RWDD2B: variants seen among roughly 807,000 people sequenced by gnomAD.
RWDD2B encodes the protein RWD domain containing 2B.
A neutral mutation model predicts 33.6 loss-of-function variants in RWDD2B; 36 were observed. That is an observed-to-expected ratio of 1.07 (90% CI 0.82 to 1.42). The LOEUF (loss-of-function observed/expected upper bound fraction) is 1.42. Among genes scored for constraint, RWDD2B ranks in the 40% most tolerant of loss-of-function variants. The pLI, the probability that RWDD2B is intolerant of heterozygous loss-of-function variation, is 0.00. For synonymous variants in RWDD2B, 126 were observed against 133.1 expected (o/e 0.95, Z 0.37); for missense variants, 364 against 377.5 (o/e 0.96, Z 0.30).
intron 1 of RWDD2B, among the ~76,000 whole-genome samples, chr21:29,017,754 G>T (rs1271895099): frequency 6.6e-6 from 1 of 152,232 alleles, no homozygotes; most frequent in African/African-American, 2.4e-5. Flanking sequence ...CTCCTAAGGT[G>T]ACTGTAGGGA....
intron 1 of RWDD2B, 88 bp downstream of exon 1, chr21:29,019,123 G>A (rs2084903361): frequency 1.8e-6 from 2 of 1,119,050 alleles, no homozygotes; most frequent in Non-Finnish European, 2.6e-6. Context: ...CGCCATGCCG[G>A]GCACGTTCCC....
chr21:29,007,806 AC>A lies in RWDD2B; in HGVS notation c.679del (p.Val227PhefsTer20). 6.2e-7 allele frequency: 1 copy of A among 1,614,198 alleles called. No homozygotes were observed. The highest frequency in any genetic ancestry group is 8.5e-7 in the Non-Finnish European group (1 of 1,180,018). On this transcript the variant is annotated frameshift_variant, in exon 4 of 5. Transcript: ENST00000493196. LOFTEE classifies it high-confidence loss of function. ...GGCACTTTGTGGGCCTTCCACACAAACAACACCAGGTTTTCCAGGCATGCTA... is the reference window on the plus strand; with the variant it reads ...GGCACTTTGTGGGCCTTCCACACAAAAACACCAGGTTTTCCAGGCATGCTA... ...GFSMPGKPGV[V>X]CVEGPQSACE...
At chr21:29,007,111 G>C (rs1353297149) in intron 4 of RWDD2B, among the ~76,000 whole-genome samples, 1 of 152,200 alleles carries the variant, frequency 6.6e-6, no homozygotes, top group Non-Finnish European at 1.5e-5. Flanking sequence ...AATGAGACTA[G>C]TGGCAATTCT....
At position 29,007,857 on chromosome 21, in the gene RWDD2B, G is replaced by A. The variant is rs1456285968; in HGVS notation, c.629C>T (p.Ala210Val). 6.2e-7 allele frequency: 1 copy of A among 1,614,184 alleles called. No homozygotes were observed. Among genetic ancestry groups the A allele is most frequent in the Non-Finnish European group, 8.5e-7 (1 of 1,180,032 alleles). Residue 210 changes from alanine (A) to valine (V), a missense_variant, in exon 4 of 5, where the codon GCA (alanine) becomes GTA (valine). Transcript: ENST00000493196. ...AAACCCAGACAGGGAAAGCTCCTTT[G>A]CCCACTCTAGAATATTCTTTCTTTT... is the stretch of plus-strand genomic sequence containing the variant. ...KCKRKNILEW[A>V]KELSLSGFSM...
intron 1 of RWDD2B, among the ~76,000 whole-genome samples, chr21:29,011,947 G>C (rs1276745751): frequency 8.1e-6 from 1 of 123,536 alleles, no homozygotes; most frequent in Non-Finnish European, 1.7e-5. Flanking sequence ...AGGTGGGGGG[G>C]TCAGCCCCCG....
rs1225121620 is a variant in RWDD2B, at chr21:29,008,585, T to G, written c.104A>C (p.Gln35Pro). The change falls in exon 2 of 5, where the codon CAG (glutamine) becomes CCG (proline). Residue 35 changes from glutamine to proline, a missense_variant. Transcript: ENST00000493196. Reference sequence around the variant, plus strand: ...TAACTCAGCAAGCTGGGCCTCCGCCTGCTCCATCTCAATCATTTTTGGACA... The same window carrying G: ...TAACTCAGCAAGCTGGGCCTCCGCCGGCTCCATCTCAATCATTTTTGGACA... ...YTCPKMIEME[Q>P]AEAQLAELDL... 6 of 1,613,852 alleles carry G rather than the reference T, an allele frequency of 3.7e-6. No homozygotes were observed. Among genetic ancestry groups the G allele is most frequent in the Non-Finnish European group, 5.1e-6 (6 of 1,179,996 alleles).
intron 1 of RWDD2B, among the ~76,000 whole-genome samples, chr21:29,011,637 T>C (rs1241703409): frequency 1.0e-5 from 1 of 96,168 alleles, no homozygotes; most frequent in African/African-American, 4.3e-5. Context: ...GGGAGGGAGG[T>C]GGGGGGGTCA....
At chr21:29,018,808 TAGTA>T (rs1237731385) in intron 1 of RWDD2B, among the ~76,000 whole-genome samples, 3 of 152,132 alleles carry the variant, frequency 2.0e-5, no homozygotes, top group African/African-American at 7.2e-5. Flanking sequence ...CTGGGTAACA[TAGTA>T]AGAGCTCGCC....
At chr21:29,014,620 GA>G (rs1457478201) in intron 1 of RWDD2B, among the ~76,000 whole-genome samples, 1 of 152,128 alleles carries the variant, frequency 6.6e-6, no homozygotes, top group East Asian at 1.9e-4. Flanking sequence ...AGGAGATCAA[GA>G]CCATCCTGGC....
chr21:29,013,809 T>C (rs2084876734), intron 1 of RWDD2B, among the ~76,000 whole-genome samples: 1 of 152,100 alleles, frequency 6.6e-6, no homozygotes, highest in Non-Finnish European at 1.5e-5. Context: ...TTATATGCCA[T>C]ACCATACTAC....
At chr21:29,017,609 C>CAA (rs946263471) in intron 1 of RWDD2B, among the ~76,000 whole-genome samples, 1 of 146,818 alleles carries the variant, frequency 6.8e-6, no homozygotes, top group Admixed American at 6.8e-5. Flanking sequence ...AAGACTGTCT[C>CAA]AAAAAAAAAC....
At chr21:29,014,417 G>A (rs2084879676) in intron 1 of RWDD2B, among the ~76,000 whole-genome samples, 1 of 152,168 alleles carries the variant, frequency 6.6e-6, no homozygotes, top group Admixed American at 6.5e-5. Context: ...AATCACCTCT[G>A]AAAGGTCCCA....
In RWDD2B at chr21:29,008,103, G is replaced by A; in HGVS notation, c.383C>T (p.Ser128Phe). The A allele has an allele frequency of 1.2e-6, 2 of 1,613,644 alleles. No homozygotes were observed. Among genetic ancestry groups the A allele is most frequent in the Non-Finnish European group, 8.5e-7 (1 of 1,179,592 alleles). ...ATCTGTGTTCAGCTGAGTCTGCTGG[G>A]ATCTACTCAATAATACTGATCTAAT... ...ITVRSVLLSR[S>F]QQTQLNTDLT... The change falls in exon 4 of 5, where the codon TCC becomes TTC. Residue 128 changes from serine to phenylalanine, a missense_variant. Ser to Phe is a radical substitution (Grantham distance 155, BLOSUM62 -2). Coordinates refer to ENST00000493196, the MANE Select transcript of RWDD2B (RefSeq NM_016940.3).
chr21:29,010,800 T>G (rs2084853854), intron 1 of RWDD2B, among the ~76,000 whole-genome samples: 1 of 150,944 alleles, frequency 6.6e-6, no homozygotes, highest in South Asian at 2.1e-4. Flanking sequence ...GCCGAGTGCC[T>G]GCGATTGCAG....
At chr21:29,018,300 C>T (rs1398787593) in intron 1 of RWDD2B, among the ~76,000 whole-genome samples, 1 of 152,172 alleles carries the variant, frequency 6.6e-6, no homozygotes, top group Non-Finnish European at 1.5e-5. Context: ...TCATGGGGAG[C>T]TGAAGCTTGG....
At chr21:29,018,552 G>A (rs1209676911) in intron 1 of RWDD2B, among the ~76,000 whole-genome samples, 1 of 152,204 alleles carries the variant, frequency 6.6e-6, no homozygotes, top group African/African-American at 2.4e-5. Flanking sequence ...AGAAGAACGG[G>A]ACGGAGGGAC....
rs1214089537 is a variant in RWDD2B, at chr21:29,005,477, C to T, written c.*940G>A. 1.3e-5 allele frequency: 2 copies of T among 152,232 alleles called. No individual in the cohort carries two copies. The highest frequency in any genetic ancestry group is 4.8e-5 in the African/African-American group (2 of 41,442). 9.4% of individuals were successfully genotyped at this position (152,232 alleles called of 1,614,324 possible). On this transcript the variant is annotated 3_prime_UTR_variant, in exon 5 of 5. Coordinates refer to ENST00000493196, the MANE Select transcript of RWDD2B (RefSeq NM_016940.3). ...ATTGGCCAGGCACGGTGGCTTATGC[C>T]TGTAATCCAAGCACATTGGGAAGCC... is the stretch of plus-strand genomic sequence containing the variant.
At chr21:29,011,412 T>C (rs994514973) in intron 1 of RWDD2B, among the ~76,000 whole-genome samples, 3 of 146,958 alleles carry the variant, frequency 2.0e-5, no homozygotes, top group Non-Finnish European at 4.5e-5. Context: ...GTCTGAGAAG[T>C]GAGGAGCCCC....
intron 1 of RWDD2B, among the ~76,000 whole-genome samples, chr21:29,018,979 C>T (rs1170342455): frequency 6.6e-6 from 1 of 152,180 alleles, no homozygotes; most frequent in East Asian, 1.9e-4. Flanking sequence ...GGAAGAAAGC[C>T]CAGCACGCAG....
Sources: allele counts gnomAD v4.1 joint callset (sites outside exome capture counted in the v4.1 genomes callset), GRCh38; gene constraint gnomAD v4.1.1; transcripts MANE v1.5; gene names NCBI Gene and HGNC (gene_info 2026-07-23, HGNC 2026-07-21).